Variants in ZNF503 observed in about 807,000 individuals in gnomAD.
The protein encoded by ZNF503 is NocA-like zinc finger 2.
In ZNF503, 15 loss-of-function variants were observed where a neutral mutation model predicts 34.4. That is an observed-to-expected ratio of 0.44 (90% CI 0.29 to 0.67). The LOEUF is 0.67. Ranked by LOEUF, ZNF503 falls within the 30% of genes least tolerant of loss-of-function variation. The pLI, the probability that ZNF503 is intolerant of heterozygous loss-of-function variation, is 0.13. For synonymous variants in ZNF503, 580 were observed against 456.8 expected, an observed-to-expected ratio of 1.27 and a Z score of -3.44; for missense variants, 1,007 against 926.8, an observed-to-expected ratio of 1.09 and a Z score of -1.12.
chr10:75,385,499 T>G, the ZNF503 span, among the ~76,000 whole-genome samples: 4 of 152,226 alleles, frequency 2.6e-5, no homozygotes, highest in Non-Finnish European at 1.5e-5. Context: ...CATTCACTCA[T>G]GTGGCTGGCA....
chr10:75,299,397 T>C, the ZNF503 span, among the ~76,000 whole-genome samples: 1 of 152,226 alleles, frequency 6.6e-6, no homozygotes, highest in East Asian at 1.9e-4. Context: ...CTGCATTTAC[T>C]GAGTGAGCTA....
At chr10:75,324,571 C>T in the ZNF503 span, among the ~76,000 whole-genome samples, 3 of 152,280 alleles carry the variant, frequency 2.0e-5, no homozygotes, top group Non-Finnish European at 4.4e-5. Context: ...AAGTGATTCT[C>T]CTACCTCCAC....
At chr10:75,383,989 T>C in the ZNF503 span, among the ~76,000 whole-genome samples, 4,348 of 152,304 alleles carry the variant, frequency 0.029, 542 homozygotes, top group East Asian at 0.41. Context: ...AGTCCATTCT[T>C]CAAAGGTGAT....
downstream of ZNF503, among the ~76,000 whole-genome samples, chr10:75,396,951 C>T (rs1223492223): frequency 6.6e-6 from 1 of 152,246 alleles, no homozygotes; most frequent in African/African-American, 2.4e-5. This position sits in a 1 kb window ranked among gnomAD's most constrained non-coding sequence, Gnocchi z 4.4. Flanking sequence ...CCACAGGGAG[C>T]TGCGCCCGGA....
the ZNF503 span, among the ~76,000 whole-genome samples, chr10:75,332,729 C>T: frequency 6.8e-6 from 1 of 147,662 alleles, no homozygotes; most frequent in African/African-American, 2.5e-5. Context: ...CATCTTGCAC[C>T]GCCCTTAATC....
the ZNF503 span, among the ~76,000 whole-genome samples, chr10:75,324,589 A>G: frequency 1.3e-5 from 2 of 151,856 alleles, no homozygotes; most frequent in Non-Finnish European, 2.9e-5. Context: ...CACCTCCTAA[A>G]TTTTTGGGAT....
downstream of ZNF503, among the ~76,000 whole-genome samples, chr10:75,392,920 C>A (rs933215102): frequency 6.6e-6 from 1 of 152,108 alleles, no homozygotes; most frequent in African/African-American, 2.4e-5. Flanking sequence ...TATCAATGTC[C>A]CCATTTCATA....
chr10:75,398,785 C>T lies in ZNF503; in HGVS notation c.1905G>A (p.Gln635=). ...CCAGCGCCGAGGCGGTGGTCAGTCT[C>T]TGTCCGTAGAGGGCGTAGGGGGAGT... ...PYYSPYALYG[Q]RLTTASALGY... Residue 635 remains glutamine, a synonymous_variant, in exon 2 of 2, where the codon CAG becomes CAA. Transcript: ENST00000372524. 4 of 1,456,450 alleles carry T rather than the reference C, an allele frequency of 2.7e-6. No homozygotes were observed. The highest frequency in any genetic ancestry group is 3.9e-4 in the Middle Eastern group (2 of 5,194). 90.2% of individuals were successfully genotyped at this position (1,456,450 alleles called of 1,614,324 possible).
chr10:75,311,457 C>T, the ZNF503 span, among the ~76,000 whole-genome samples: 5 of 152,074 alleles, frequency 3.3e-5, no homozygotes, highest in Non-Finnish European at 5.9e-5. Context: ...AATAAATATC[C>T]ACACCAAGAG....
chr10:75,336,442 A>T, the ZNF503 span, among the ~76,000 whole-genome samples: 1 of 149,620 alleles, frequency 6.7e-6, no homozygotes, highest in Non-Finnish European at 1.5e-5. Context: ...CATCGTTATT[A>T]TTATTATTAT....
chr10:75,307,111 G>A, the ZNF503 span, among the ~76,000 whole-genome samples: 1 of 152,222 alleles, frequency 6.6e-6, no homozygotes, highest in South Asian at 2.1e-4. Flanking sequence ...AGCTAGAAAT[G>A]ATTTAGCTTA....
At chr10:75,336,873 G>A in the ZNF503 span, among the ~76,000 whole-genome samples, 2 of 152,138 alleles carry the variant, frequency 1.3e-5, no homozygotes, top group Non-Finnish European at 2.9e-5. Flanking sequence ...CTTAATCTCA[G>A]CAACAGAGAA....
the ZNF503 span, among the ~76,000 whole-genome samples, chr10:75,357,168 T>C: frequency 1.3e-5 from 2 of 152,042 alleles, no homozygotes; most frequent in Non-Finnish European, 1.5e-5. Context: ...TCACTGGCTA[T>C]TATACTGGAA....
the ZNF503 span, among the ~76,000 whole-genome samples, chr10:75,357,656 G>A: frequency 6.6e-6 from 1 of 151,654 alleles, no homozygotes; most frequent in Non-Finnish European, 1.5e-5. Context: ...GCGCAAATGA[G>A]GAAAGTAATT....
chr10:75,286,834 C>G, the ZNF503 span, among the ~76,000 whole-genome samples: 1 of 152,242 alleles, frequency 6.6e-6, no homozygotes, highest in Non-Finnish European at 1.5e-5. Flanking sequence ...CCAGAAGAAG[C>G]TGGCATCCTC....
At chr10:75,282,782 G>C in the ZNF503 span, among the ~76,000 whole-genome samples, 2 of 152,208 alleles carry the variant, frequency 1.3e-5, no homozygotes. Flanking sequence ...TTGGGTCTTG[G>C]TGTCCTTGTC....
chr10:75,336,178 A>G, the ZNF503 span, among the ~76,000 whole-genome samples: 2 of 152,172 alleles, frequency 1.3e-5, no homozygotes, highest in Non-Finnish European at 2.9e-5. Context: ...TTTGCAGTCT[A>G]TTCCACCTCA....
the ZNF503 span, among the ~76,000 whole-genome samples, chr10:75,364,589 A>G: frequency 2.4e-3 from 373 of 152,262 alleles, no homozygotes; most frequent in African/African-American, 8.5e-3. Flanking sequence ...CATCCCCAGC[A>G]AAGTAATACA....
chr10:75,360,024 G>C, the ZNF503 span, among the ~76,000 whole-genome samples: 2 of 151,556 alleles, frequency 1.3e-5, no homozygotes, highest in African/African-American at 2.4e-5. Flanking sequence ...CCTTCAGCTA[G>C]TCTGTGCCCA....
Sources: allele counts gnomAD v4.1 joint callset (sites outside exome capture counted in the v4.1 genomes callset), GRCh38; gene constraint gnomAD v4.1.1; non-coding constraint Gnocchi (gnomAD v3.1); transcripts MANE v1.5; gene names NCBI Gene and HGNC (gene_info 2026-07-23, HGNC 2026-07-21).